COL18A1: variants seen among roughly 807,000 people sequenced by gnomAD.
COL18A1 encodes the protein collagen alpha-1(XVIII) chain.
A neutral mutation model predicts 168.0 loss-of-function variants in COL18A1; 133 were observed. The observed-to-expected ratio is 0.79, with a 90% CI of 0.69 to 0.91. The LOEUF (loss-of-function observed/expected upper bound fraction) is 0.91, where lower values mean the gene tolerates loss of function less well. Among genes scored for constraint, COL18A1 ranks in the 40% least tolerant of loss-of-function variants. The pLI is 0.00. For synonymous variants in COL18A1, 949 were observed against 809.0 expected, an observed-to-expected ratio of 1.17 and a Z score of -2.94; for missense variants, 2,126 against 1,925.4, an observed-to-expected ratio of 1.10 and a Z score of -1.95.
At chr21:45,481,366 C>G (rs1309833303) in intron 13 of COL18A1, among the ~76,000 whole-genome samples, 1 of 152,154 alleles carries the variant, frequency 6.6e-6, no homozygotes, top group African/African-American at 2.4e-5. Flanking sequence ...GGCAGCAGGT[C>G]ATGACTGGCA....
chr21:45,504,699 C>G, intron 34 of COL18A1, 143 bp downstream of exon 34: 1 of 724,898 alleles, frequency 1.4e-6, no homozygotes, highest in Non-Finnish European at 2.3e-6. Flanking sequence ...TCCCTGTCCC[C>G]GTGTGGGGAC....
chr21:45,506,083 C>T (rs542598611), intron 37 of COL18A1, 117 bp downstream of exon 37: 25 of 1,506,054 alleles, frequency 1.7e-5, no homozygotes, highest in Middle Eastern at 2.2e-4. Context: ...TGGCAGCCAG[C>T]GCTTCTTAAA....
In COL18A1 at chr21:45,505,166, C is replaced by G. The variant is rs555990845; in HGVS notation, c.2901C>G (p.Pro967=). 6 of 1,607,708 alleles carry G rather than the reference C, an allele frequency of 3.7e-6. No individual in the cohort carries two copies. The African/African-American group carries it at 5.3e-5, about 14-fold the overall frequency. Residue 967 remains proline (P), a synonymous_variant, in exon 35 of 42, where the codon CCC becomes CCG. Coordinates refer to ENST00000651438, the MANE Select transcript of COL18A1 (RefSeq NM_001379500.1). ...AGGGAGAGAGCATCCGGGGCCAGCC[C>G]GGCCCACCTGGACCTCAGGGACCCC... ...GPKGESIRGQ[P]GPPGPQGPPG...
intron 2 of COL18A1, among the ~76,000 whole-genome samples, chr21:45,460,526 C>T (rs1340122336): frequency 2.0e-5 from 3 of 152,230 alleles, no homozygotes; most frequent in Admixed American, 6.5e-5. Flanking sequence ...ACCATGATGG[C>T]CCCGAGGGGC....
chr21:45,496,726 C>T (rs906779689), intron 30 of COL18A1, among the ~76,000 whole-genome samples, 158 bp downstream of exon 30: 4 of 152,196 alleles, frequency 2.6e-5, no homozygotes, highest in Non-Finnish European at 2.9e-5. Flanking sequence ...TGAGTTCCCA[C>T]GGAAGGTGAA....
At chr21:45,500,376 T>G (rs1201385447) in intron 32 of COL18A1, among the ~76,000 whole-genome samples, 300 of 23,616 alleles carry the variant, frequency 0.013, no homozygotes, top group Middle Eastern at 0.042. Context: ...TGTGAGGGGG[T>G]GGGGGTGTGT....
At position 45,441,654 on chromosome 21, in the gene COL18A1, G is replaced by A. The variant is rs561510949; in HGVS notation, c.107-26588G>A. Among the ~76,000 whole-genome samples the A allele has an allele frequency of 5.3e-5, 8 of 152,324 alleles. No individual in the cohort carries two copies. The South Asian group carries it at 6.2e-4, about 12-fold the overall frequency. On this transcript the variant is annotated intron_variant, in intron 2 of 41. Coordinates refer to ENST00000651438, the MANE Select transcript of COL18A1 (RefSeq NM_001379500.1). Reference sequence around the variant, plus strand: ...CCAGCCGGCGCCTTCTACAGAACACGGCCGTGAGCTTCCCATGTTCTGCCG... The same window carrying A: ...CCAGCCGGCGCCTTCTACAGAACACAGCCGTGAGCTTCCCATGTTCTGCCG...
Position 45,505,212 on chromosome 21 carries a change from C to T in COL18A1, c.2947C>T (p.Arg983Cys), listed in dbSNP as rs372973695. ...ACCCCCCGGCATCGGCTACGAGGGG[C>T]GCCAGGGCCCTCCCGGCCCCCCAGG... ...QGPPGIGYEG[R>C]QGPPGPPGPP... The change falls in exon 35 of 42, where the codon CGC (arginine) becomes TGC (cysteine). Residue 983 changes from arginine to cysteine, a missense_variant. Coordinates refer to ENST00000651438, the MANE Select transcript of COL18A1 (RefSeq NM_001379500.1). The T allele has an allele frequency of 3.3e-4, 532 of 1,601,224 alleles. 1 individual carries two copies. The Middle Eastern group carries it at 4.5e-3, about 14-fold the overall frequency.
At position 45,468,639 on chromosome 21, in the gene COL18A1, T is replaced by G; in HGVS notation, c.504T>G (p.Ser168Arg). 2 of 1,614,034 alleles carry G rather than the reference T, an allele frequency of 1.2e-6. No individual in the cohort carries two copies. Among genetic ancestry groups the G allele is most frequent in the Non-Finnish European group, 8.5e-7 (1 of 1,180,020 alleles). ...FVGQWTHLAL[S>R]VAGGFVALYV... ...GCCAGTGGACACACTTAGCCCTCAGTGTGGCAGGTGGCTTTGTGGCCCTCT... is the reference window on the plus strand; with the variant it reads ...GCCAGTGGACACACTTAGCCCTCAGGGTGGCAGGTGGCTTTGTGGCCCTCT... Residue 168 changes from serine (S) to arginine (R), a missense_variant, in exon 3 of 42, where the codon AGT (serine) becomes AGG (arginine). Transcript: ENST00000651438.
chr21:45,452,883 C>G (rs1161283768), intron 2 of COL18A1, among the ~76,000 whole-genome samples: 1 of 151,506 alleles, frequency 6.6e-6, no homozygotes, highest in Non-Finnish European at 1.5e-5. Flanking sequence ...TGTGAGTATT[C>G]ACATGTGACA....
At chr21:45,439,638 G>A (rs951292729) in intron 2 of COL18A1, among the ~76,000 whole-genome samples, 1 of 152,196 alleles carries the variant, frequency 6.6e-6, no homozygotes, top group African/African-American at 2.4e-5. Flanking sequence ...CAAGTCCTGT[G>A]CGCGGGGCCT....
At chr21:45,480,005 C>T (rs369441541) in intron 10 of COL18A1, 41 bp downstream of exon 10, 36 of 1,613,458 alleles carry the variant, frequency 2.2e-5, no homozygotes, top group African/African-American at 2.7e-5. Flanking sequence ...CCTGTGTTGG[C>T]CCTTGGCTCA....
chr21:45,480,839 C>T lies in COL18A1; in HGVS notation c.1592C>T (p.Pro531Leu). 6.2e-7 allele frequency: 1 copy of T among 1,611,404 alleles called. No individual in the cohort carries two copies. The highest frequency in any genetic ancestry group is 1.7e-4 in the Middle Eastern group (1 of 6,056). Residue 531 changes from proline to leucine, a missense_variant, in exon 13 of 42, where the codon CCC becomes CTC. Physicochemically the swap from Pro to Leu is moderately conservative, Grantham distance 98. Coordinates refer to ENST00000651438, the MANE Select transcript of COL18A1 (RefSeq NM_001379500.1). ...LPGVPGREGP[P>L]GFPGLPGPPG... The stretch of plus-strand genomic sequence containing the variant: ...GGTGTGCCTGGGCGCGAGGGTCCCC[C>T]CGGGTTTCCTGGCCTCCCGGTAAGT...
At chr21:45,430,889 C>T (rs777409144) in intron 2 of COL18A1, among the ~76,000 whole-genome samples, 2 of 152,210 alleles carry the variant, frequency 1.3e-5, no homozygotes, top group Non-Finnish European at 2.9e-5. Flanking sequence ...GGGAGCAAGG[C>T]GGATCAGATG....
Position 45,509,526 on chromosome 21 carries a change from C to A in COL18A1, c.3420C>A (p.His1140Gln). Residue 1140 changes from histidine to glutamine, a missense_variant, in exon 39 of 42, where the codon CAC becomes CAA. Transcript: ENST00000651438. ...AGCCCTACCCCGGAGCCCCGCACCA[C>A]AGCTCCTACGTGCACCTGCGGCCGG... ...EPQPYPGAPH[H>Q]SSYVHLRPAR... 1 of 1,536,460 alleles carries A rather than the reference C, an allele frequency of 6.5e-7. No individual in the cohort carries two copies. Among genetic ancestry groups the A allele is most frequent in the Non-Finnish European group, 8.8e-7 (1 of 1,142,244 alleles).
intron 9 of COL18A1, among the ~76,000 whole-genome samples, chr21:45,479,237 T>C (rs1568906563): frequency 6.6e-6 from 1 of 151,726 alleles, no homozygotes. Flanking sequence ...ACACAGCACA[T>C]ATCACACACC....
chr21:45,478,379 C>G (rs1260069434), intron 9 of COL18A1, 26 bp downstream of exon 9: 1 of 1,612,788 alleles, frequency 6.2e-7, no homozygotes, highest in Non-Finnish European at 8.5e-7. Context: ...TTTCTGACCC[C>G]TGTGTTATCT....
chr21:45,461,141 A>G (rs188180820), intron 2 of COL18A1, among the ~76,000 whole-genome samples: 55 of 152,320 alleles, frequency 3.6e-4, no homozygotes, highest in African/African-American at 1.3e-3. Flanking sequence ...CCATGTGTAC[A>G]TTAGACCTCT....
intron 2 of COL18A1, chr21:45,456,652 G>A: frequency 2.0e-6 from 3 of 1,535,416 alleles, no homozygotes; most frequent in Non-Finnish European, 1.7e-6. Flanking sequence ...GGGCGTGGGG[G>A]GGCCTGCTGC....
Sources: allele counts gnomAD v4.1 joint callset (sites outside exome capture counted in the v4.1 genomes callset), GRCh38; gene constraint gnomAD v4.1.1; transcripts MANE v1.5; gene names NCBI Gene and HGNC (gene_info 2026-07-23, HGNC 2026-07-21).